The following RGL1 variants were observed in gnomAD, a reference collection of about 807,000 sequenced individuals.
RGL1 encodes ral guanine nucleotide dissociation stimulator-like 1.
Under a neutral mutation model 95.2 loss-of-function variants are expected in RGL1, and 24 were observed. The ratio of observed to expected loss-of-function variants is 0.25; its 90% CI spans 0.18 to 0.35. The LOEUF is 0.35. Ranked by LOEUF, RGL1 falls within the 10% of genes least tolerant of loss-of-function variation. RGL1 has a pLI of 1.00. For missense variants in RGL1, 715 were observed against 936.3 expected, an observed-to-expected ratio of 0.76 and a Z score of 3.08; for synonymous variants, 329 against 344.9, an observed-to-expected ratio of 0.95 and a Z score of 0.51.
chr1:183,740,389 G>A (rs151031505), intron 1 of RGL1, among the ~76,000 whole-genome samples: 1 of 152,232 alleles, frequency 6.6e-6, no homozygotes, highest in Non-Finnish European at 1.5e-5. Context: ...CAAGTAGATG[G>A]GCTTACTCTC....
chr1:183,918,260 C>T (rs752187108), intron 16 of RGL1, among the ~76,000 whole-genome samples: 80 of 152,278 alleles, frequency 5.3e-4, no homozygotes, highest in Non-Finnish European at 8.5e-4. Context: ...AGTTGTCAAA[C>T]CCCACAGGGG....
At chr1:183,726,041 T>C (rs939152257) in intron 1 of RGL1, among the ~76,000 whole-genome samples, 5 of 152,078 alleles carry the variant, frequency 3.3e-5, no homozygotes, top group African/African-American at 1.2e-4. Context: ...GGAAATTAAA[T>C]AGCATACATT....
chr1:183,747,441 A>G (rs1489956641), intron 2 of RGL1, among the ~76,000 whole-genome samples: 1 of 152,102 alleles, frequency 6.6e-6, no homozygotes, highest in Non-Finnish European at 1.5e-5. Flanking sequence ...TCTTCTTTTG[A>G]GAAGTATCTG....
chr1:183,761,053 T>C (rs1169751197), intron 2 of RGL1, among the ~76,000 whole-genome samples: 7 of 152,240 alleles, frequency 4.6e-5, no homozygotes, highest in African/African-American at 1.7e-4. Flanking sequence ...CATTGAAGTC[T>C]TGCACCCCTC....
chr1:183,719,211 C>A (rs1558170654), intron 1 of RGL1, among the ~76,000 whole-genome samples: 2 of 152,174 alleles, frequency 1.3e-5, no homozygotes, highest in Non-Finnish European at 2.9e-5. Flanking sequence ...TTCATTCTTT[C>A]CTACTTGCTT....
exon 1 of RGL1, chr1:183,636,248 T>C (rs1649524881): frequency 2.5e-6 from 1 of 398,622 alleles, no homozygotes; most frequent in Non-Finnish European, 4.4e-6. Context: ...CCGGACCGAG[T>C]GCCCTGCAGT....
intron 2 of RGL1, among the ~76,000 whole-genome samples, chr1:183,748,746 C>A (rs1359983028): frequency 2.0e-5 from 3 of 152,114 alleles, no homozygotes; most frequent in East Asian, 1.9e-4. Flanking sequence ...TGCTTTCTCC[C>A]GTGGGCATTT....
intron 2 of RGL1, among the ~76,000 whole-genome samples, chr1:183,771,442 CT>C (rs1230050596): frequency 2.0e-5 from 3 of 152,140 alleles, no homozygotes; most frequent in Non-Finnish European, 2.9e-5. Flanking sequence ...TCACTGTCTC[CT>C]TTTTATTCCT....
At chr1:183,842,705 G>A (rs896721074) in intron 2 of RGL1, among the ~76,000 whole-genome samples, 2 of 152,156 alleles carry the variant, frequency 1.3e-5, no homozygotes, top group African/African-American at 2.4e-5. Context: ...TCCTGTTAGC[G>A]TGCTAACCCA....
intron 3 of RGL1, among the ~76,000 whole-genome samples, 161 bp downstream of exon 3, chr1:183,847,935 C>T (rs1000229729): frequency 2.0e-5 from 3 of 152,142 alleles, no homozygotes; most frequent in Non-Finnish European, 4.4e-5. Flanking sequence ...GAAGATCATT[C>T]AGGAGCCACT....
chr1:183,780,242 A>C (rs1306794090), intron 2 of RGL1, among the ~76,000 whole-genome samples: 1 of 152,178 alleles, frequency 6.6e-6, no homozygotes, highest in Non-Finnish European at 1.5e-5. Context: ...GAACTGTTAC[A>C]TCTATTTTAC....
At chr1:183,719,081 A>G (rs1382006832) in intron 1 of RGL1, among the ~76,000 whole-genome samples, 1 of 152,228 alleles carries the variant, frequency 6.6e-6, no homozygotes. Context: ...TCTCAACTGT[A>G]TAGTGCTGAT....
rs550065869 is a variant in RGL1 at position 183,696,079 on chromosome 1, G to A, written c.-32-46047G>A. ...TTTTTCCTCTTCTCTCCTAAGCCCA[G>A]TCCAATTACCATCCTCTGAAACAGC... On this transcript the variant is annotated intron_variant, in intron 1 of 18. Coordinates refer to the RGL1 transcript ENST00000304685. Among the ~76,000 whole-genome samples, 3 of 152,196 alleles carry A rather than the reference G, an allele frequency of 2.0e-5. No individual in the cohort carries two copies. The South Asian group carries it at 6.2e-4, about 32-fold the overall frequency.
intron 14 of RGL1, among the ~76,000 whole-genome samples, chr1:183,909,983 T>C (rs182533687): frequency 2.4e-4 from 37 of 152,330 alleles, no homozygotes; most frequent in Admixed American, 8.5e-4. Context: ...GACGATATTA[T>C]TCAGTGTCTT....
intron 2 of RGL1, among the ~76,000 whole-genome samples, chr1:183,828,479 G>T (rs903871739): frequency 2.6e-5 from 4 of 152,134 alleles, no homozygotes; most frequent in Non-Finnish European, 4.4e-5. Context: ...GTGAGCAAAT[G>T]GGGGGCCTGA....
intron 1 of RGL1, among the ~76,000 whole-genome samples, chr1:183,741,900 G>A (rs1039320460): frequency 1.3e-5 from 2 of 152,134 alleles, no homozygotes; most frequent in African/African-American, 4.8e-5. Context: ...TTTAAAATTT[G>A]TATCAGTTTG....
chr1:183,705,162 T>C (rs6689503), intron 1 of RGL1, among the ~76,000 whole-genome samples: 72,086 of 151,550 alleles, frequency 0.48, 17,756 homozygotes, highest in East Asian at 0.76. Context: ...GTGAGTAGAG[T>C]GAAGGAGGGA....
At chr1:183,796,569 A>G (rs1444373963) in intron 2 of RGL1, among the ~76,000 whole-genome samples, 3 of 152,212 alleles carry the variant, frequency 2.0e-5, no homozygotes, top group Non-Finnish European at 4.4e-5. Context: ...CTTGCCTCAG[A>G]GAGAAGTGGT....
chr1:183,826,479 TCCC>T (rs1662867807), intron 2 of RGL1, among the ~76,000 whole-genome samples: 1 of 152,170 alleles, frequency 6.6e-6, no homozygotes, highest in Non-Finnish European at 1.5e-5. Context: ...GTTGTTTTTT[TCCC>T]CCTGCTATAT....
Sources: gnomAD v4.1 joint callset for allele counts (sites outside exome capture counted in the v4.1 genomes callset) on GRCh38, gnomAD v4.1.1 for gene constraint, MANE v1.5 for transcripts, NCBI Gene and HGNC (gene_info 2026-07-23, HGNC 2026-07-21) for gene names.